Variants in ZBTB4 observed in about 807,000 individuals in gnomAD.
The protein encoded by ZBTB4 is zinc finger and BTB domain containing 4.
ZBTB4 carries 14 observed loss-of-function variants against 59.8 expected under a neutral mutation model. That is an observed-to-expected ratio of 0.23 (90% CI 0.15 to 0.37). ZBTB4 has a LOEUF of 0.37. ZBTB4 is among the 10% of genes least tolerant of loss of function. ZBTB4 has a pLI of 1.00. For synonymous variants in ZBTB4, 587 were observed against 575.2 expected (o/e 1.02, Z -0.29); for missense variants, 1,198 against 1,380.8 (o/e 0.87, Z 2.10).
Position 7,461,240 on chromosome 17 carries a change from C to A in ZBTB4, c.*700G>T, listed in dbSNP as rs2070015428. ...ACTGGGAAAGTGCTCAGCCACAGAA[C>A]AGAGGGGCAGAGGGGCAACCCTCCC... On this transcript the variant is annotated 3_prime_UTR_variant, in exon 4 of 4. Transcript: ENST00000380599. 6.6e-6 allele frequency: 1 copy of A among 152,658 alleles called. No individual in the cohort carries two copies. Among genetic ancestry groups the A allele is most frequent in the Non-Finnish European group, 1.5e-5 (1 of 68,064 alleles). The allele number at this position is 152,658 out of a possible 1,614,324, so 9.5% of individuals were successfully genotyped here.
At chr17:7,476,565 G>C (rs1372649213) in intron 1 of ZBTB4, among the ~76,000 whole-genome samples, 1 of 152,154 alleles carries the variant, frequency 6.6e-6, no homozygotes, top group Non-Finnish European at 1.5e-5. Flanking sequence ...GCCTGTGCTG[G>C]CTTGTTCTGC....
upstream of ZBTB4, chr17:7,483,118 C>T: frequency 6.6e-7 from 1 of 1,510,728 alleles, no homozygotes; most frequent in Non-Finnish European, 8.9e-7. Flanking sequence ...AGGGATACCT[C>T]TCAGAGTCAA....
upstream of ZBTB4, chr17:7,481,969 GCTC>G: frequency 6.4e-7 from 1 of 1,570,260 alleles, no homozygotes; most frequent in East Asian, 2.2e-5. Flanking sequence ...TCTACCCTGA[GCTC>G]CTTTCTCCCT....
In ZBTB4 at chr17:7,462,478, C is replaced by T; in HGVS notation, c.2504G>A (p.Ser835Asn). 1.9e-6 allele frequency: 3 copies of T among 1,613,896 alleles called. No individual in the cohort carries two copies. The highest frequency in any genetic ancestry group is 2.5e-6 in the Non-Finnish European group (3 of 1,180,006). Reference protein sequence around the residue: ...SSSSGEAGGGSTAAEEASETA... With the variant: ...SSSSGEAGGGNTAAEEASETA... ...CTCGGAAGCTTCCTCAGCAGCAGTG[C>T]TCCCGCCACCTGCCTCACCGCTGGA... Residue 835 changes from serine (S) to asparagine (N), a missense_variant, in exon 4 of 4, where the codon AGC becomes AAC. Ser to Asn is a conservative substitution (Grantham distance 46). Transcript: ENST00000380599. This position sits in a 1 kb window ranked among gnomAD's most constrained non-coding sequence, Gnocchi z 7.5.
chr17:7,475,213 C>A (rs911190898), intron 1 of ZBTB4, among the ~76,000 whole-genome samples: 1 of 151,016 alleles, frequency 6.6e-6, no homozygotes, highest in South Asian at 2.1e-4. Context: ...TAGTGGCGGG[C>A]GCCTGTAACC....
chr17:7,469,793 T>C (rs1339577280), intron 1 of ZBTB4, among the ~76,000 whole-genome samples: 1 of 138,634 alleles, frequency 7.2e-6, no homozygotes, highest in Non-Finnish European at 1.6e-5. Context: ...TAAAAATAAA[T>C]AAAAAATAGG....
At position 7,462,600 on chromosome 17, in the gene ZBTB4, G is replaced by A. The variant is rs1567683450; in HGVS notation, c.2382C>T (p.Gly794=). The A allele has an allele frequency of 6.2e-7, 1 of 1,610,712 alleles. No individual in the cohort carries two copies. Among genetic ancestry groups the A allele is most frequent in the Admixed American group, 1.7e-5 (1 of 59,816 alleles). ...AATAGGCAATGACAGGGGTTGGGGTGCCCCCGGGCCGCTCAGCAGCATGCC... is the reference window on the plus strand; with the variant it reads ...AATAGGCAATGACAGGGGTTGGGGTACCCCCGGGCCGCTCAGCAGCATGCC... ...GQRHAAERPG[G]TPTPVIAYSK... The change falls in exon 4 of 4, where the codon GGC becomes GGT. Residue 794 remains glycine (G), a synonymous_variant. Coordinates refer to ENST00000380599, the MANE Select transcript of ZBTB4 (RefSeq NM_001128833.2). The surrounding 1 kb of genome is among the most constrained non-coding windows in gnomAD (Gnocchi z 7.5).
intron 1 of ZBTB4, among the ~76,000 whole-genome samples, chr17:7,477,913 C>T (rs185514917): frequency 3.3e-5 from 5 of 152,274 alleles, no homozygotes; most frequent in Admixed American, 2.6e-4. Flanking sequence ...TCATGAGGGG[C>T]AAACATACAG....
intron 3 of ZBTB4, among the ~76,000 whole-genome samples, chr17:7,465,126 A>C (rs1472725072): frequency 2.1e-5 from 3 of 145,178 alleles, no homozygotes; most frequent in African/African-American, 7.8e-5. Flanking sequence ...ACTGCACTCC[A>C]GCCTGGGCAA....
At chr17:7,480,323 A>G (rs907193645), upstream of ZBTB4, among the ~76,000 whole-genome samples, 2 of 152,198 alleles carry the variant, frequency 1.3e-5, no homozygotes, top group Non-Finnish European at 2.9e-5. Context: ...GAAAAAACAC[A>G]TTCCTGAAAC....
At chr17:7,476,626 T>A (rs2070272632) in intron 1 of ZBTB4, among the ~76,000 whole-genome samples, 1 of 152,146 alleles carries the variant, frequency 6.6e-6, no homozygotes, top group African/African-American at 2.4e-5. Flanking sequence ...AACGTTAAGA[T>A]CTGACTCCAA....
rs975039538 is a variant in ZBTB4 at position 7,463,050 on chromosome 17, G to C, written c.1932C>G (p.Asp644Glu). The C allele has an allele frequency of 1.9e-6, 3 of 1,608,708 alleles. No individual in the cohort carries two copies. Among genetic ancestry groups the C allele is most frequent in the Non-Finnish European group, 2.5e-6 (3 of 1,177,992 alleles). The change falls in exon 4 of 4, where the codon GAC (aspartate) becomes GAG (glutamate). Residue 644 changes from aspartate (D) to glutamate (E), a missense_variant. Coordinates refer to ENST00000380599, the MANE Select transcript of ZBTB4 (RefSeq NM_001128833.2). ...CCTCATCCTCCTCCTCCTCCTCTTCGTCCTCCTCCTCTTCGTCCTCCTCAC... is the reference window on the plus strand; with the variant it reads ...CCTCATCCTCCTCCTCCTCCTCTTCCTCCTCCTCCTCTTCGTCCTCCTCAC... ...EESEEDEEEE[D>E]EEEEEEDEEE...
chr17:7,474,265 T>C (rs1289581381), intron 1 of ZBTB4, among the ~76,000 whole-genome samples: 1 of 131,666 alleles, frequency 7.6e-6, no homozygotes, highest in Non-Finnish European at 1.6e-5. Context: ...ACCCAGGCTG[T>C]AGTGCAGTGG....
Position 7,462,209 on chromosome 17 carries a change from C to T in ZBTB4, c.2773G>A (p.Val925Ile), listed in dbSNP as rs776394800. The change falls in exon 4 of 4, where the codon GTC becomes ATC. Residue 925 changes from valine to isoleucine, a missense_variant. Coordinates refer to ENST00000380599, the MANE Select transcript of ZBTB4 (RefSeq NM_001128833.2). The surrounding 1 kb of genome is among the most constrained non-coding windows in gnomAD (Gnocchi z 7.5). The part of the protein sequence containing the change: ...VTFYPEPYPL[V>I]YGPQLLAAYP... ...GCGGCAAGGAGCTGGGGGCCATAGA[C>T]GAGCGGGTAGGGCTCAGGGTAGAAA... is the stretch of plus-strand genomic sequence containing the variant. 5.6e-6 allele frequency: 9 copies of T among 1,613,650 alleles called. No homozygotes were observed. The highest frequency in any genetic ancestry group is 4.0e-5 in the African/African-American group (3 of 74,844).
chr17:7,479,089 G>A (rs1467875127), intron 1 of ZBTB4, among the ~76,000 whole-genome samples: 4 of 151,986 alleles, frequency 2.6e-5, no homozygotes, highest in East Asian at 1.9e-4. Context: ...GCGCTTGCCC[G>A]GGCTCACACC....
chr17:7,477,843 C>CT (rs1340767699), intron 1 of ZBTB4, among the ~76,000 whole-genome samples: 1 of 152,270 alleles, frequency 6.6e-6, no homozygotes, highest in South Asian at 2.1e-4. Context: ...TCTGTCTAAG[C>CT]TTACTTCCCT....
rs1295702325 is a variant in ZBTB4, at chr17:7,466,750, G to A, written c.52C>T (p.Arg18Cys). Residue 18 changes from arginine to cysteine, a missense_variant, in exon 3 of 4, where the codon CGC (arginine) becomes TGC (cysteine). Arg to Cys is a radical substitution (Grantham distance 180). This residue lies in a region of ZBTB4 where 44 missense variants were observed against 86.2 expected (regional missense o/e 0.51). Transcript: ENST00000380599. This position sits in a 1 kb window ranked among gnomAD's most constrained non-coding sequence, Gnocchi z 9.1. ...CGGAGCCGCTGTTCATTGAGCTGGC[G>A]CAGGACGGCGGGGGCATGGGACGGG... Reference protein sequence around the residue: ...TDPSHAPAVLRQLNEQRLRGL... With the variant: ...TDPSHAPAVLCQLNEQRLRGL... The A allele has an allele frequency of 4.4e-6, 7 of 1,591,722 alleles. No homozygotes were observed. Among genetic ancestry groups the A allele is most frequent in the East Asian group, 4.5e-5 (2 of 44,202 alleles).
At chr17:7,482,195 G>A, upstream of ZBTB4, 2 of 1,613,972 alleles carry the variant, frequency 1.2e-6, no homozygotes, top group Non-Finnish European at 1.7e-6. Flanking sequence ...GCCCTCGCTG[G>A]AGCTGCTCAT....
chr17:7,466,437 G>A lies in ZBTB4; in HGVS notation c.365C>T (p.Pro122Leu), dbSNP rs1326977715. 6.2e-7 allele frequency: 1 copy of A among 1,613,482 alleles called. No homozygotes were observed. Among genetic ancestry groups the A allele is most frequent in the Admixed American group, 1.7e-5 (1 of 59,878 alleles). The change falls in exon 3 of 4, where the codon CCA becomes CTA. Residue 122 changes from proline to leucine, a missense_variant. Physicochemically the swap from Pro to Leu is moderately conservative, Grantham distance 98. Around this residue, in one of 9 missense-constraint regions of ZBTB4, gnomAD observed 83 missense variants for 76.5 expected, o/e 1.09. Transcript: ENST00000380599. This position sits in a 1 kb window ranked among gnomAD's most constrained non-coding sequence, Gnocchi z 9.1. Reference sequence around the variant, plus strand: ...TCCTGGCAACTCCAGGACCCGGGGTGGGGAAGAAGCAGGGGGAGAGGCTGG... The same window carrying A: ...TCCTGGCAACTCCAGGACCCGGGGTAGGGAAGAAGCAGGGGGAGAGGCTGG... ...PPPASPPASS[P>L]PRVLELPGVP...
Sources: allele counts gnomAD v4.1 joint callset (sites outside exome capture counted in the v4.1 genomes callset), GRCh38; gene constraint gnomAD v4.1.1; regional missense constraint gnomAD v4.1.1; non-coding constraint Gnocchi (gnomAD v3.1); transcripts MANE v1.5; gene names NCBI Gene and HGNC (gene_info 2026-07-23, HGNC 2026-07-21).